Variants in PHKB observed in about 807,000 individuals in gnomAD.
PHKB encodes the protein phosphorylase kinase regulatory subunit beta.
PHKB carries 122 observed loss-of-function variants against 152.1 expected under a neutral mutation model. The ratio of observed to expected loss-of-function variants is 0.80; its 90% CI spans 0.69 to 0.93. PHKB has a LOEUF of 0.93. Ranked by LOEUF, PHKB falls within the 40% of genes least tolerant of loss-of-function variation. The pLI, the probability that PHKB is intolerant of heterozygous loss-of-function variation, is 0.00. For synonymous variants in PHKB, 436 were observed against 464.9 expected (o/e 0.94, Z 0.80); for missense variants, 1,304 against 1,328.4 (o/e 0.98, Z 0.29).
At chr16:47,670,815 T>G (rs1255814192) in intron 26 of PHKB, among the ~76,000 whole-genome samples, 1 of 152,154 alleles carries the variant, frequency 6.6e-6, no homozygotes, top group African/African-American at 2.4e-5. Context: ...AAACTTTGAT[T>G]TTGTCCATGT....
At chr16:47,542,231 G>A (rs1971073015) in intron 6 of PHKB, among the ~76,000 whole-genome samples, 1 of 152,144 alleles carries the variant, frequency 6.6e-6, no homozygotes, top group Non-Finnish European at 1.5e-5. Context: ...TGGCTAGCCA[G>A]TTTTCCTAGT....
At chr16:47,655,264 G>C (rs1206231283) in intron 20 of PHKB, among the ~76,000 whole-genome samples, 1 of 152,148 alleles carries the variant, frequency 6.6e-6, no homozygotes, top group East Asian at 1.9e-4. Flanking sequence ...GGCAGTTAGA[G>C]TATCACCTCA....
chr16:47,532,929 G>A (rs1346469696), intron 6 of PHKB, among the ~76,000 whole-genome samples: 1 of 152,238 alleles, frequency 6.6e-6, no homozygotes, highest in East Asian at 1.9e-4. Flanking sequence ...ATGAAGAAGA[G>A]CTTTATTGAG....
At chr16:47,571,439 C>T (rs1971656330) in intron 7 of PHKB, among the ~76,000 whole-genome samples, 1 of 152,120 alleles carries the variant, frequency 6.6e-6, no homozygotes, top group South Asian at 2.1e-4. Flanking sequence ...ACCTCAGCTT[C>T]ACTACCAGGC....
At chr16:47,553,413 G>A (rs1273973680) in intron 7 of PHKB, among the ~76,000 whole-genome samples, 1 of 152,004 alleles carries the variant, frequency 6.6e-6, no homozygotes, top group Non-Finnish European at 1.5e-5. Flanking sequence ...CTCTAAGCTG[G>A]TTATTCTAGT....
chr16:47,473,161 T>G (rs1969805596), intron 1 of PHKB, among the ~76,000 whole-genome samples: 1 of 146,906 alleles, frequency 6.8e-6, no homozygotes. Context: ...CTCGGTCTCC[T>G]GTGCTCAAGC....
At chr16:47,627,138 C>T (rs1972725051) in intron 14 of PHKB, among the ~76,000 whole-genome samples, 1 of 152,172 alleles carries the variant, frequency 6.6e-6, no homozygotes, top group South Asian at 2.1e-4. Context: ...AATCTGTTCT[C>T]CCCTTTCTGC....
intron 25 of PHKB, among the ~76,000 whole-genome samples, chr16:47,668,124 T>C (rs1262175645): frequency 6.6e-6 from 1 of 152,250 alleles, no homozygotes; most frequent in Non-Finnish European, 1.5e-5. Context: ...CCCTAAGCAC[T>C]GAAGTAATAT....
At position 47,623,292 on chromosome 16, in the gene PHKB, T is replaced by C. The variant is rs187395177; in HGVS notation, c.1458+12372T>C. On this transcript the variant is annotated intron_variant, in intron 14 of 30. Transcript: ENST00000323584. ...TAATATTTCTTTCTCATTAAAGAGA[T>C]GAGAAAAAATCCTAAAAAGTCTAGA... Among the ~76,000 whole-genome samples, 580 of 152,202 alleles carry C rather than the reference T, an allele frequency of 3.8e-3. 1 individual carries two copies. Among genetic ancestry groups the C allele is most frequent in the Non-Finnish European group, 5.6e-3 (383 of 68,000 alleles).
intron 26 of PHKB, among the ~76,000 whole-genome samples, chr16:47,684,554 C>T (rs1279057416): frequency 1.3e-5 from 2 of 151,890 alleles, no homozygotes; most frequent in African/African-American, 4.8e-5. Context: ...ATCACGAGGT[C>T]AGGAAATCAA....
At chr16:47,549,271 C>G (rs1971229561) in intron 7 of PHKB, among the ~76,000 whole-genome samples, 1 of 152,082 alleles carries the variant, frequency 6.6e-6, no homozygotes, top group South Asian at 2.1e-4. Flanking sequence ...TAAAATTTAC[C>G]TTTTCAGTAC....
chr16:47,519,112 A>C (rs1970644615), intron 6 of PHKB, among the ~76,000 whole-genome samples: 1 of 152,220 alleles, frequency 6.6e-6, no homozygotes, highest in African/African-American at 2.4e-5. Context: ...AAAATTGTGC[A>C]CAAAACTGTA....
chr16:47,628,304 G>A (rs756606258), intron 14 of PHKB, among the ~76,000 whole-genome samples: 44 of 152,102 alleles, frequency 2.9e-4, no homozygotes, highest in Non-Finnish European at 4.6e-4. Flanking sequence ...AGGCCGAGGC[G>A]GGTGGATCAT....
intron 6 of PHKB, among the ~76,000 whole-genome samples, chr16:47,523,955 T>C (rs189033153): frequency 1.3e-5 from 2 of 152,234 alleles, no homozygotes; most frequent in East Asian, 3.9e-4. Flanking sequence ...GTCTGCTGGT[T>C]TTTCATGTGT....
intron 10 of PHKB, among the ~76,000 whole-genome samples, chr16:47,592,369 T>TGGCCC (rs1196699586): frequency 1.3e-5 from 2 of 152,250 alleles, no homozygotes; most frequent in African/African-American, 4.8e-5. Context: ...CTGGCTGGCC[T>TGGCCC]GGCCCATCTG....
intron 13 of PHKB, among the ~76,000 whole-genome samples, chr16:47,599,578 C>T (rs546249605): frequency 6.6e-6 from 1 of 152,088 alleles, no homozygotes; most frequent in East Asian, 1.9e-4. Flanking sequence ...CATATTAAGA[C>T]CAGAGTGAAC....
intron 20 of PHKB, among the ~76,000 whole-genome samples, chr16:47,651,950 T>C (rs1973244160): frequency 6.6e-6 from 1 of 152,178 alleles, no homozygotes; most frequent in Non-Finnish European, 1.5e-5. Context: ...ATGTTTTAAA[T>C]TTTCATTTTT....
intron 1 of PHKB, among the ~76,000 whole-genome samples, chr16:47,475,042 T>C (rs1363651858): frequency 6.6e-6 from 1 of 152,226 alleles, no homozygotes; most frequent in Non-Finnish European, 1.5e-5. Context: ...TCATGGGGTT[T>C]TCTGCTTACA....
chr16:47,505,206 G>A (rs1266082102), intron 4 of PHKB, among the ~76,000 whole-genome samples: 4 of 152,314 alleles, frequency 2.6e-5, no homozygotes, highest in Admixed American at 1.3e-4. Flanking sequence ...TAAGAAGCCC[G>A]GCTTGCTGGC....
Sources: allele counts gnomAD v4.1 joint callset (sites outside exome capture counted in the v4.1 genomes callset), GRCh38; gene constraint gnomAD v4.1.1; transcripts MANE v1.5; gene names NCBI Gene and HGNC (gene_info 2026-07-23, HGNC 2026-07-21).